The following SRGAP3 variants were observed in gnomAD, a reference collection of about 807,000 sequenced individuals.
SRGAP3 encodes the protein SLIT-ROBO Rho GTPase activating protein 3.
Under a neutral mutation model 121.1 loss-of-function variants are expected in SRGAP3, and 39 were observed. The ratio of observed to expected loss-of-function variants is 0.32; its 90% CI spans 0.25 to 0.42. SRGAP3 has a LOEUF of 0.42. Ranked by LOEUF, SRGAP3 falls within the 10% of genes least tolerant of loss-of-function variation. SRGAP3 has a pLI of 1.00. For missense variants in SRGAP3, 1,213 were observed against 1,470.6 expected (o/e 0.82, Z 2.86); for synonymous variants, 601 against 570.0 (o/e 1.05, Z -0.77).
intron 8 of SRGAP3, among the ~76,000 whole-genome samples, chr3:9,054,044 A>G (rs1484536690): frequency 6.6e-6 from 1 of 152,180 alleles, no homozygotes; most frequent in Non-Finnish European, 1.5e-5. Flanking sequence ...TCCCCCCGAT[A>G]TCTTCACTCA....
In SRGAP3 at chr3:9,103,607, T is replaced by G. The variant is rs566228383; in HGVS notation, c.423+1073A>C. 8.5e-5 allele frequency among the ~76,000 whole-genome samples: 13 copies of G among 152,308 alleles called. No individual in the cohort carries two copies. The East Asian group carries it at 2.5e-3, about 29-fold the overall frequency. On this transcript the variant is annotated intron_variant, in intron 3 of 21. Coordinates refer to ENST00000383836, the MANE Select transcript of SRGAP3 (RefSeq NM_014850.4). ...CCAGAGGCCACATCCCAAACCACTT[T>G]GCAATAATGCCACTCTCCCCGCACA...
At chr3:9,184,421 C>A (rs1951531042) in intron 1 of SRGAP3, among the ~76,000 whole-genome samples, 1 of 152,122 alleles carries the variant, frequency 6.6e-6, no homozygotes, top group Non-Finnish European at 1.5e-5. Context: ...GCGTCAGTTT[C>A]TTCATCTGTC....
At chr3:9,321,625 G>A (rs1955439780) in intron 3 of SRGAP3, among the ~76,000 whole-genome samples, 1 of 151,896 alleles carries the variant, frequency 6.6e-6, no homozygotes, top group Non-Finnish European at 1.5e-5. Flanking sequence ...AGATAAAAAT[G>A]TTCAAAGATA....
chr3:9,219,552 T>G (rs1258877417), intron 1 of SRGAP3: 3 of 152,090 alleles, frequency 2.0e-5, no homozygotes, highest in African/African-American at 7.2e-5. Context: ...TCCAACCATT[T>G]AAAAAGAATG....
chr3:9,261,169 G>A (rs1954247957), intron 3 of SRGAP3, among the ~76,000 whole-genome samples: 1 of 152,200 alleles, frequency 6.6e-6, no homozygotes, highest in East Asian at 1.9e-4. Context: ...CAAAAAGGAC[G>A]TCCACGCAAA....
intron 3 of SRGAP3, among the ~76,000 whole-genome samples, chr3:9,260,969 G>T (rs1027171091): frequency 2.8e-4 from 42 of 152,168 alleles, no homozygotes; most frequent in Admixed American, 8.5e-4. Context: ...GGCATCTGGC[G>T]GGTGCCCCTC....
intron 3 of SRGAP3, among the ~76,000 whole-genome samples, chr3:9,254,863 G>A (rs972880053): frequency 6.8e-6 from 1 of 147,846 alleles, no homozygotes; most frequent in African/African-American, 2.5e-5. Flanking sequence ...GGGAAGGAAA[G>A]AGAGAGAGAG....
intron 1 of SRGAP3, among the ~76,000 whole-genome samples, chr3:9,224,372 T>C (rs2700331): frequency 0.63 from 95,287 of 152,046 alleles, 30,208 homozygotes; most frequent in East Asian, 0.78. Flanking sequence ...TGAAGGGAGA[T>C]GGACGTGTGG....
chr3:9,153,843 A>AG (rs1950296979), intron 1 of SRGAP3, among the ~76,000 whole-genome samples: 1 of 152,180 alleles, frequency 6.6e-6, no homozygotes, highest in South Asian at 2.1e-4. Flanking sequence ...GGGCAATTTT[A>AG]GGGACTGTGG....
rs144985212 is a variant in SRGAP3, at chr3:9,140,693, T to C, written c.68-15776A>G. ...AGAGGAATGCACACAACTGTTCCAA[T>C]AAAACTTTACAAAAACAGGTAATGG... On this transcript the variant is annotated intron_variant, in intron 1 of 21. Coordinates refer to ENST00000383836, the MANE Select transcript of SRGAP3 (RefSeq NM_014850.4). 5.3e-5 allele frequency among the ~76,000 whole-genome samples: 8 copies of C among 152,354 alleles called. No individual in the cohort carries two copies. In the East Asian group the frequency reaches 1.5e-3, roughly 29 times the overall value.
At chr3:9,173,819 C>A (rs555552577) in intron 1 of SRGAP3, among the ~76,000 whole-genome samples, 1 of 152,336 alleles carries the variant, frequency 6.6e-6, no homozygotes, top group South Asian at 2.1e-4. Context: ...GGACATATTG[C>A]AGTCTCTTAG....
At chr3:9,138,718 G>A (rs1435712361) in intron 1 of SRGAP3, among the ~76,000 whole-genome samples, 2 of 152,058 alleles carry the variant, frequency 1.3e-5, no homozygotes, top group South Asian at 2.1e-4. Flanking sequence ...GACAGGTCAC[G>A]GTCAAAACTT....
At chr3:9,216,538 T>A (rs1257564555) in intron 1 of SRGAP3, 3 of 152,674 alleles carry the variant, frequency 2.0e-5, no homozygotes, top group South Asian at 4.1e-4. Flanking sequence ...GCAGATACCC[T>A]AAGAAATGCT....
At chr3:9,130,037 C>T (rs911198650) in intron 1 of SRGAP3, among the ~76,000 whole-genome samples, 2 of 152,166 alleles carry the variant, frequency 1.3e-5, no homozygotes, top group Non-Finnish European at 2.9e-5. Context: ...GCTGGGATTA[C>T]AAGCATGAGC....
chr3:9,321,978 T>C, intron 3 of SRGAP3, among the ~76,000 whole-genome samples: 2 of 150,354 alleles, frequency 1.3e-5, no homozygotes, highest in South Asian at 4.2e-4. Context: ...ACTTAAAAAA[T>C]AATAATAATA....
chr3:9,252,521 G>A (rs1036649059), upstream of SRGAP3, among the ~76,000 whole-genome samples: 5 of 152,094 alleles, frequency 3.3e-5, no homozygotes, highest in South Asian at 2.1e-4. Context: ...CTAGAGCTTG[G>A]TCTCCACAGA....
At chr3:9,280,697 G>A (rs753867531) in intron 3 of SRGAP3, among the ~76,000 whole-genome samples, 7 of 152,182 alleles carry the variant, frequency 4.6e-5, no homozygotes, top group Non-Finnish European at 8.8e-5. Context: ...ACTCTGCAAT[G>A]CCGGATATGA....
intron 1 of SRGAP3, among the ~76,000 whole-genome samples, chr3:9,131,918 C>G (rs965117482): frequency 6.6e-6 from 1 of 152,140 alleles, no homozygotes; most frequent in Admixed American, 6.5e-5. Flanking sequence ...CCTGCTCACT[C>G]TCCAAGCAAC....
At chr3:9,344,826 G>T (rs564304015) in intron 1 of SRGAP3, among the ~76,000 whole-genome samples, 1 of 152,066 alleles carries the variant, frequency 6.6e-6, no homozygotes, top group Non-Finnish European at 1.5e-5. Flanking sequence ...CACGAGGTCA[G>T]GAAATCAAGA....
Sources: allele counts gnomAD v4.1 joint callset (sites outside exome capture counted in the v4.1 genomes callset), GRCh38; gene constraint gnomAD v4.1.1; transcripts MANE v1.5; gene names NCBI Gene and HGNC (gene_info 2026-07-23, HGNC 2026-07-21).